Variants in PRKAG2 observed in about 807,000 individuals in gnomAD.
PRKAG2 encodes the protein protein kinase AMP-activated non-catalytic subunit gamma 2, also known as 5'-AMP-activated protein kinase subunit gamma-2.
A neutral mutation model predicts 69.6 loss-of-function variants in PRKAG2; 26 were observed. That is an observed-to-expected ratio of 0.37 (90% CI 0.27 to 0.52). The LOEUF (loss-of-function observed/expected upper bound fraction) is 0.52, where lower values mean the gene tolerates loss of function less well. Among genes scored for constraint, PRKAG2 ranks in the 20% least tolerant of loss-of-function variants. The pLI, the probability that PRKAG2 is intolerant of heterozygous loss-of-function variation, is 0.90. For synonymous variants in PRKAG2, 293 were observed against 285.0 expected, an observed-to-expected ratio of 1.03 and a Z score of -0.28; for missense variants, 557 against 740.0, an observed-to-expected ratio of 0.75 and a Z score of 2.87.
Position 151,828,570 on chromosome 7 carries a change from A to C in PRKAG2, c.115-42029T>G, listed in dbSNP as rs1563734570. Among the ~76,000 whole-genome samples, 1 of 152,204 alleles carries C rather than the reference A, an allele frequency of 6.6e-6. No individual in the cohort carries two copies. The highest frequency in any genetic ancestry group is 2.4e-5 in the African/African-American group (1 of 41,446). The stretch of plus-strand genomic sequence containing the variant: ...TACAAACTGACCGTGGCTTTGTCTC[A>C]TCTCTTCTTCCCTCCTTTTAAGGGC... On this transcript the variant is annotated intron_variant, in intron 1 of 15. Transcript: ENST00000287878. The surrounding 1 kb of genome is among the most constrained non-coding windows in gnomAD (Gnocchi z 4.6).
rs549615952 is a variant in PRKAG2, at chr7:151,602,024, G to A, written c.755-6570C>T. Reference sequence around the variant, plus strand: ...TGATAGACTAGACAGTGAGGGCCCTGCTTAAGAAAGGCCTGAAACAGCAAG... The same window carrying A: ...TGATAGACTAGACAGTGAGGGCCCTACTTAAGAAAGGCCTGAAACAGCAAG... On this transcript the variant is annotated intron_variant, in intron 5 of 15. Transcript: ENST00000287878. 4.6e-5 allele frequency among the ~76,000 whole-genome samples: 7 copies of A among 152,364 alleles called. No individual in the cohort carries two copies. In the South Asian group the frequency reaches 1.0e-3, roughly 23 times the overall value.
At chr7:151,585,876 G>A (rs1338625808) in intron 6 of PRKAG2, among the ~76,000 whole-genome samples, 3 of 152,224 alleles carry the variant, frequency 2.0e-5, no homozygotes, top group Non-Finnish European at 2.9e-5. Flanking sequence ...GGAAGGAGAC[G>A]GGTGGGCGGG....
intron 4 of PRKAG2, among the ~76,000 whole-genome samples, chr7:151,636,237 CAGAAT>C (rs1825720936): frequency 1.3e-5 from 2 of 152,122 alleles, no homozygotes; most frequent in Non-Finnish European, 2.9e-5. Flanking sequence ...TTGGAATATT[CAGAAT>C]TGTGCAACTA....
chr7:151,855,079 C>G (rs112678941), intron 1 of PRKAG2, among the ~76,000 whole-genome samples: 2,474 of 43,452 alleles, frequency 0.057, 157 homozygotes, highest in African/African-American at 0.098. Context: ...CACACACCAT[C>G]CTCCACACAC....
At chr7:151,619,926 C>A (rs1189944955) in intron 5 of PRKAG2, among the ~76,000 whole-genome samples, 1 of 152,160 alleles carries the variant, frequency 6.6e-6, no homozygotes, top group Non-Finnish European at 1.5e-5. Flanking sequence ...GAGGCTGAGG[C>A]AGGAGAATCA....
At position 151,781,321 on chromosome 7, in the gene PRKAG2, G is replaced by A. The variant is rs767950372; in HGVS notation, c.297C>T (p.Pro99=). ...ACGGGAACACGGTTTTGGGAGAGCC[G>A]GGGCTGGTCTTGGGCCTCACAGGTG... is the stretch of plus-strand genomic sequence containing the variant. ...MSAPVRPKTS[P]GSPKTVFPFS... The change falls in exon 3 of 16, where the codon CCC becomes CCT. Residue 99 remains proline, a synonymous_variant. Coordinates refer to ENST00000287878, the MANE Select transcript of PRKAG2 (RefSeq NM_016203.4). This position sits in a 1 kb window ranked among gnomAD's most constrained non-coding sequence, Gnocchi z 6.1. 49 of 1,613,914 alleles carry A rather than the reference G, an allele frequency of 3.0e-5. No homozygotes were observed. The Admixed American group carries it at 3.8e-4, about 13-fold the overall frequency.
At chr7:151,621,567 A>G (rs569028977) in intron 5 of PRKAG2, among the ~76,000 whole-genome samples, 1 of 152,232 alleles carries the variant, frequency 6.6e-6, no homozygotes, top group African/African-American at 2.4e-5. Context: ...TTGAGATATA[A>G]TTCACATTCA....
intron 3 of PRKAG2, among the ~76,000 whole-genome samples, chr7:151,689,935 G>A (rs918710724): frequency 3.3e-5 from 5 of 152,180 alleles, no homozygotes; most frequent in African/African-American, 1.2e-4. Flanking sequence ...GAGCTCTAGT[G>A]GTTGTCTGCC....
intron 1 of PRKAG2, among the ~76,000 whole-genome samples, chr7:151,838,849 T>G (rs1015978775): frequency 6.6e-6 from 1 of 151,760 alleles, no homozygotes; most frequent in African/African-American, 2.4e-5. Context: ...ACCCCATCTC[T>G]ACTAAAAATA....
intron 3 of PRKAG2, among the ~76,000 whole-genome samples, chr7:151,774,187 C>G (rs566910418): frequency 6.6e-6 from 1 of 152,256 alleles, no homozygotes; most frequent in East Asian, 1.9e-4. Context: ...CACTACGAAT[C>G]CTCACGCTAC....
intron 1 of PRKAG2, among the ~76,000 whole-genome samples, chr7:151,824,402 G>A (rs139147390): frequency 6.6e-6 from 1 of 152,308 alleles, no homozygotes; most frequent in East Asian, 1.9e-4. Context: ...AAGGTTTGTG[G>A]AAGGTAGTGC....
At chr7:151,575,013 C>T in intron 7 of PRKAG2, 64 bp from the exon 8 acceptor site, 1 of 1,596,006 alleles carries the variant, frequency 6.3e-7, no homozygotes, top group East Asian at 2.2e-5. Flanking sequence ...TTTCAAATGA[C>T]AAGTGAGCCT....
intron 3 of PRKAG2, among the ~76,000 whole-genome samples, chr7:151,705,422 G>A (rs550091570): frequency 6.6e-5 from 10 of 152,252 alleles, no homozygotes; most frequent in Non-Finnish European, 1.2e-4. Context: ...GCAAGCACTC[G>A]GTCCCAAGCA....
intron 1 of PRKAG2, among the ~76,000 whole-genome samples, chr7:151,787,595 T>C (rs1232752012): frequency 6.6e-6 from 1 of 152,196 alleles, no homozygotes; most frequent in East Asian, 1.9e-4. Flanking sequence ...CGCTTACGCA[T>C]TCATCAGTTG....
At chr7:151,575,225 C>T (rs541392353) in intron 7 of PRKAG2, among the ~76,000 whole-genome samples, 3 of 151,990 alleles carry the variant, frequency 2.0e-5, no homozygotes, top group Non-Finnish European at 2.9e-5. Context: ...TTAATTGATA[C>T]AAATTTGAAA....
At chr7:151,648,861 C>G (rs1027662283) in intron 4 of PRKAG2, among the ~76,000 whole-genome samples, 2 of 151,744 alleles carry the variant, frequency 1.3e-5, no homozygotes, top group Admixed American at 1.3e-4. Context: ...CTTTAAAAAA[C>G]AGAAAGAAAG....
intron 1 of PRKAG2, among the ~76,000 whole-genome samples, chr7:151,798,875 C>T (rs2077686674): frequency 6.6e-6 from 1 of 152,084 alleles, no homozygotes; most frequent in African/African-American, 2.4e-5. Context: ...TCTTTATTAC[C>T]ACAAGGGTGT....
chr7:151,809,196 C>A (rs1051634634), intron 1 of PRKAG2: 73 of 455,994 alleles, frequency 1.6e-4, no homozygotes, highest in Middle Eastern at 6.5e-4. Flanking sequence ...AGGGCAAATC[C>A]CAAGAGGGGT....
At chr7:151,832,595 T>TGGGGGG (rs34839120) in intron 1 of PRKAG2, among the ~76,000 whole-genome samples, 2 of 141,790 alleles carry the variant, frequency 1.4e-5, no homozygotes, top group Admixed American at 1.4e-4. Flanking sequence ...GAGGCATCTC[T>TGGGGGG]GGGGGGGGGG....
Sources: allele counts gnomAD v4.1 joint callset (sites outside exome capture counted in the v4.1 genomes callset), GRCh38; gene constraint gnomAD v4.1.1; non-coding constraint Gnocchi (gnomAD v3.1); transcripts MANE v1.5; gene names NCBI Gene and HGNC (gene_info 2026-07-23, HGNC 2026-07-21).